CMC1: variants seen among roughly 807,000 people sequenced by gnomAD.
CMC1 encodes C-X9-C motif containing 1, also known as COX assembly mitochondrial protein homolog.
CMC1 carries 14 observed loss-of-function variants against 14.1 expected under a neutral mutation model. The ratio of observed to expected loss-of-function variants is 0.99; its 90% confidence interval spans 0.66 to 1.55. The LOEUF (loss-of-function observed/expected upper bound fraction) is 1.55. Ranked by LOEUF, CMC1 falls within the 40% of genes most tolerant of loss-of-function variation. CMC1 has a pLI of 0.00. For synonymous variants in CMC1, 50 were observed against 38.4 expected (o/e 1.30, Z -1.12); for missense variants, 127 against 123.8 (o/e 1.03, Z -0.12).
At position 28,271,223 on chromosome 3, in the gene CMC1, C is replaced by A. The variant is rs562385776; in HGVS notation, c.109+7843C>A. 2.6e-4 allele frequency among the ~76,000 whole-genome samples: 40 copies of A among 152,276 alleles called. 2 individuals carry two copies. Among genetic ancestry groups the A allele is most frequent in the South Asian group, 1.9e-3 (9 of 4,828 alleles). ...TCCAGTGATTCTCCAACCTCAGCTT[C>A]CTAAGTAGCTGGGACTACAGGCATG... On this transcript the variant is annotated intron_variant, in intron 2 of 3. Coordinates refer to ENST00000466830, the MANE Select transcript of CMC1 (RefSeq NM_182523.2).
chr3:28,306,327 G>T (rs533406931), intron 2 of CMC1, among the ~76,000 whole-genome samples: 2 of 152,022 alleles, frequency 1.3e-5, no homozygotes, highest in Non-Finnish European at 2.9e-5. Flanking sequence ...AGCATGGGTT[G>T]TTTTTTCATT....
In CMC1 at chr3:28,257,868, T is replaced by G. The variant is rs903726855; in HGVS notation, c.20-5423T>G. Reference sequence around the variant, plus strand: ...TACCTAGGAGTGGAACATATTTAACTTTATAACTCAGCAGTTTTCCAGAGA... The same window carrying G: ...TACCTAGGAGTGGAACATATTTAACGTTATAACTCAGCAGTTTTCCAGAGA... On this transcript the variant is annotated intron_variant, in intron 1 of 3. Transcript: ENST00000466830. Among the ~76,000 whole-genome samples the G allele has an allele frequency of 4.6e-5, 7 of 152,210 alleles. No individual in the cohort carries two copies. In the East Asian group the frequency reaches 1.4e-3, roughly 29 times the overall value.
intron 2 of CMC1, among the ~76,000 whole-genome samples, chr3:28,264,330 G>T (rs960649545): frequency 2.6e-5 from 4 of 152,096 alleles, no homozygotes; most frequent in Non-Finnish European, 5.9e-5. Context: ...ATAACATTTG[G>T]ATACTAGGAA....
At chr3:28,258,780 C>T (rs577232041) in intron 1 of CMC1, among the ~76,000 whole-genome samples, 2 of 151,704 alleles carry the variant, frequency 1.3e-5, no homozygotes, top group East Asian at 1.9e-4. Context: ...CCACCAAGTC[C>T]GGGTCATTTT....
rs1246095733 is a variant in CMC1 at position 28,319,641 on chromosome 3, A to G, written c.*12A>G. On this transcript the variant is annotated 3_prime_UTR_variant, in exon 4 of 4. Coordinates refer to ENST00000466830, the MANE Select transcript of CMC1 (RefSeq NM_182523.2). The stretch of plus-strand genomic sequence containing the variant: ...CAACAAGCATGTAGGCAGATACTCA[A>G]ATGACATTCAGGAACTCTAATATTC... 1.9e-6 allele frequency: 3 copies of G among 1,589,110 alleles called. No homozygotes were observed. Among genetic ancestry groups the G allele is most frequent in the East Asian group, 2.2e-5 (1 of 44,552 alleles).
At chr3:28,310,077 T>C (rs989627036) in intron 2 of CMC1, among the ~76,000 whole-genome samples, 6 of 152,024 alleles carry the variant, frequency 3.9e-5, no homozygotes, top group Admixed American at 3.9e-4. Flanking sequence ...GCCCTTCCCT[T>C]TGTCCAGAAT....
intron 2 of CMC1, among the ~76,000 whole-genome samples, chr3:28,293,508 T>C (rs1256464948): frequency 1.3e-5 from 2 of 152,204 alleles, no homozygotes; most frequent in African/African-American, 4.8e-5. Flanking sequence ...ATCAAGAAGA[T>C]ACTCATCTTT....
At chr3:28,294,499 T>TGGAC in intron 2 of CMC1, 1 of 960,090 alleles carries the variant, frequency 1.0e-6, no homozygotes, top group Non-Finnish European at 1.2e-6. Flanking sequence ...CCAAACTAAG[T>TGGAC]GGACGAACTT....
At chr3:28,264,812 T>A (rs1005615870) in intron 2 of CMC1, among the ~76,000 whole-genome samples, 2 of 152,218 alleles carry the variant, frequency 1.3e-5, no homozygotes, top group Non-Finnish European at 2.9e-5. Context: ...CAGTCTAAAG[T>A]TACACATATA....
At chr3:28,255,188 T>C (rs544696137) in intron 1 of CMC1, among the ~76,000 whole-genome samples, 4 of 152,176 alleles carry the variant, frequency 2.6e-5, no homozygotes, top group Admixed American at 2.6e-4. Flanking sequence ...GAATTTGTCC[T>C]TTTCTCTCCA....
At chr3:28,247,154 A>G (rs1477643634) in intron 1 of CMC1, among the ~76,000 whole-genome samples, 1 of 152,036 alleles carries the variant, frequency 6.6e-6, no homozygotes, top group African/African-American at 2.4e-5. Flanking sequence ...CCCTCACACA[A>G]GGTATCACTG....
Position 28,305,779 on chromosome 3 carries a change from ATTTTTTTTTTTTTTTTT to A in CMC1, c.110-10539_110-10523del, listed in dbSNP as rs71087685. On this transcript the variant is annotated intron_variant, in intron 2 of 3. Coordinates refer to ENST00000466830, the MANE Select transcript of CMC1 (RefSeq NM_182523.2). ...GTGTCCAGAAGAGTTTTTCATAGGA[ATTTTTTTTTTTTTTTTT>A]TTTTTTTTTTTTTTAGTTTGAGGTC... Among the ~76,000 whole-genome samples the A allele has an allele frequency of 1.1e-4, 5 of 43,536 alleles. No individual in the cohort carries two copies. In the South Asian group the frequency reaches 4.7e-3, roughly 41 times the overall value. 28.6% of individuals were successfully genotyped at this position (43,536 alleles called of 152,430 possible). A position where few individuals can be genotyped will look rare whatever the true frequency, so the allele number is the denominator to read the frequency against.
chr3:28,319,619 C>T lies in CMC1; in HGVS notation c.311C>T (p.Thr104Ile). 1 of 1,605,664 alleles carries T rather than the reference C, an allele frequency of 6.2e-7. No individual in the cohort carries two copies. The highest frequency in any genetic ancestry group is 1.1e-5 in the South Asian group (1 of 89,656). ...PTKKRLQKLP[T>I]SM is the part of the protein sequence containing the mutation. The stretch of plus-strand genomic sequence containing the variant: ...AAGAAAAGGCTACAGAAGCTTCCAA[C>T]AAGCATGTAGGCAGATACTCAAATG... The change falls in exon 4 of 4, where the codon ACA (threonine) becomes ATA (isoleucine). Residue 104 changes from threonine to isoleucine, a missense_variant. By Grantham distance (89) the Thr-to-Ile change is moderately conservative. Transcript: ENST00000466830.
intron 2 of CMC1, among the ~76,000 whole-genome samples, chr3:28,275,488 T>C (rs1400008074): frequency 6.6e-6 from 1 of 152,010 alleles, no homozygotes; most frequent in Non-Finnish European, 1.5e-5. Context: ...TGCCTGCTTC[T>C]TCCTGTGGGA....
At chr3:28,268,249 G>A (rs952626226) in intron 2 of CMC1, among the ~76,000 whole-genome samples, 1 of 152,094 alleles carries the variant, frequency 6.6e-6, no homozygotes, top group African/African-American at 2.4e-5. Context: ...CATAGCTAAA[G>A]GTTATTACAG....
chr3:28,322,680 G>A lies in CMC1; in HGVS notation c.*3051G>A, dbSNP rs921593200. 6.6e-6 allele frequency: 1 copy of A among 151,586 alleles called. No individual in the cohort carries two copies. Among genetic ancestry groups the A allele is most frequent in the African/African-American group, 2.4e-5 (1 of 41,310 alleles). The allele number at this position is 151,586 out of a possible 1,614,324, so 9.4% of individuals were successfully genotyped here. A position where few individuals can be genotyped will look rare whatever the true frequency, so the allele number is the denominator to read the frequency against. On this transcript the variant is annotated 3_prime_UTR_variant, in exon 4 of 4. Transcript: ENST00000466830. ...GAGATTGTACTCCCCTGAGTCAGCT[G>A]TGTTCATTGGTCAGAATAAATTCCA...
chr3:28,316,652 C>G, intron 3 of CMC1: 1 of 325,332 alleles, frequency 3.1e-6, no homozygotes, highest in Non-Finnish European at 5.6e-6. Context: ...AGTCAGCAGA[C>G]AAAAATATAT....
intron 2 of CMC1, among the ~76,000 whole-genome samples, chr3:28,279,061 T>A (rs995562516): frequency 6.6e-6 from 1 of 152,200 alleles, no homozygotes; most frequent in Admixed American, 6.5e-5. Context: ...ATTGCACAAT[T>A]CCTTCTGCAG....
intron 2 of CMC1, among the ~76,000 whole-genome samples, chr3:28,293,474 G>A (rs942746055): frequency 2.6e-5 from 4 of 152,120 alleles, no homozygotes; most frequent in Non-Finnish European, 5.9e-5. Flanking sequence ...GACACATTAA[G>A]TTTGAGGTAG....
Sources: gnomAD v4.1 joint callset for allele counts (sites outside exome capture counted in the v4.1 genomes callset) on GRCh38, gnomAD v4.1.1 for gene constraint, MANE v1.5 for transcripts, NCBI Gene and HGNC (gene_info 2026-07-23, HGNC 2026-07-21) for gene names.